The following ZNF563 variants were observed in gnomAD, a reference collection of about 807,000 sequenced individuals.
The protein encoded by ZNF563 is zinc finger protein 563.
In ZNF563, 39 loss-of-function variants were observed where a neutral mutation model predicts 48.5. That is an observed-to-expected ratio of 0.80 (90% CI 0.62 to 1.05). The LOEUF (loss-of-function observed/expected upper bound fraction) is 1.05. Ranked by LOEUF, ZNF563 falls within the 50% of genes least tolerant of loss-of-function variation. The probability of loss-of-function intolerance (pLI) is 0.00; values close to 1 mark genes in which losing one functional copy is unlikely to be tolerated. For missense variants in ZNF563, 538 were observed against 597.0 expected (o/e 0.90, Z 1.03); for synonymous variants, 168 against 187.9 (o/e 0.89, Z 0.87).
chr19:12,318,550 T>C lies in ZNF563; in HGVS notation c.*44A>G, dbSNP rs1418034382. 4 of 1,566,404 alleles carry C rather than the reference T, an allele frequency of 2.6e-6. No individual in the cohort carries two copies. The highest frequency in any genetic ancestry group is 1.9e-5 in the Admixed American group (1 of 53,206). On this transcript the variant is annotated 3_prime_UTR_variant, in exon 4 of 4. Coordinates refer to ENST00000293725, the MANE Select transcript of ZNF563 (RefSeq NM_145276.3). The stretch of plus-strand genomic sequence containing the variant: ...GTCCAGTGTAAGTTTATTCATGATA[T>C]CAAAGGGAACTGGAAATATAGAAGG...
intron 1 of ZNF563, among the ~76,000 whole-genome samples, chr19:12,327,778 G>A (rs2145813922): frequency 6.6e-6 from 1 of 152,168 alleles, no homozygotes; most frequent in East Asian, 1.9e-4. Flanking sequence ...AGACAAATCG[G>A]GTTTTAGATT....
intron 1 of ZNF563, among the ~76,000 whole-genome samples, chr19:12,333,225 A>T (rs1968965786): frequency 6.6e-6 from 1 of 152,132 alleles, no homozygotes; most frequent in African/African-American, 2.4e-5. Context: ...GCTGCGGGCG[A>T]GGAGCTGCCC....
chr19:12,328,285 C>T (rs1247213027), intron 1 of ZNF563, among the ~76,000 whole-genome samples: 1 of 152,062 alleles, frequency 6.6e-6, no homozygotes, highest in Non-Finnish European at 1.5e-5. Context: ...CCAGACTGAG[C>T]AACATAGTGA....
At position 12,319,610 on chromosome 19, in the gene ZNF563, T is replaced by C. The variant is rs1212776033; in HGVS notation, c.415A>G (p.Lys139Glu). 2 of 1,614,088 alleles carry C rather than the reference T, an allele frequency of 1.2e-6. No individual in the cohort carries two copies. The highest frequency in any genetic ancestry group is 1.7e-6 in the Non-Finnish European group (2 of 1,180,042). Reference protein sequence around the residue: ...KPHEYQEYGEKPHTHKQRGKA... With the variant: ...KPHEYQEYGEEPHTHKQRGKA... ...CCACGTTGTTTATGTGTATGTGGCT[T>C]CTCTCCATATTCCTGATACTCATGT... Residue 139 changes from lysine to glutamate, a missense_variant, in exon 4 of 4, where the codon AAG (lysine) becomes GAG (glutamate). Coordinates refer to ENST00000293725, the MANE Select transcript of ZNF563 (RefSeq NM_145276.3).
the ZNF563 span, among the ~76,000 whole-genome samples, chr19:12,344,109 T>C: frequency 6.6e-6 from 1 of 152,064 alleles, no homozygotes; most frequent in Non-Finnish European, 1.5e-5. Flanking sequence ...ATGGAATTTG[T>C]TGGCCAGGAA....
chr19:12,326,371 C>T (rs570105965), intron 1 of ZNF563, among the ~76,000 whole-genome samples: 1 of 152,118 alleles, frequency 6.6e-6, no homozygotes, highest in Non-Finnish European at 1.5e-5. Context: ...AGGCCAGGTG[C>T]GGCAGCTCAC....
chr19:12,319,001 A>G lies in ZNF563; in HGVS notation c.1024T>C (p.Cys342Arg), dbSNP rs1379511840. 6 of 1,614,004 alleles carry G rather than the reference A, an allele frequency of 3.7e-6. No individual in the cohort carries two copies. Among genetic ancestry groups the G allele is most frequent in the Admixed American group, 1.7e-5 (1 of 59,988 alleles). ...TGDRPHKCKI[C>R]GKGFDRPSLV... The stretch of plus-strand genomic sequence containing the variant: ...CTGGGACGATCAAAGCCTTTCCCAC[A>G]TATCTTACATTTATGAGGTCGATCT... The change falls in exon 4 of 4, where the codon TGT (cysteine) becomes CGT (arginine). Residue 342 changes from cysteine to arginine, a missense_variant. Transcript: ENST00000293725.
intron 1 of ZNF563, among the ~76,000 whole-genome samples, chr19:12,329,127 G>GA (rs1968862871): frequency 6.6e-6 from 1 of 152,116 alleles, no homozygotes; most frequent in South Asian, 2.1e-4. Flanking sequence ...TCAAGCAGAG[G>GA]AAAATAACAA....
At position 12,333,440 on chromosome 19, in the gene ZNF563, C is replaced by T. The variant is rs745785750; in HGVS notation, c.3+40G>A. 3 of 1,612,872 alleles carry T rather than the reference C, an allele frequency of 1.9e-6. No homozygotes were observed. In the Admixed American group the frequency reaches 5.0e-5, roughly 27 times the overall value. ...GCCGGTTCTGGACGGTTCCAACCAGCTCTTTCCCACTTTTGGGACGCCTGA... is the reference window on the plus strand; with the variant it reads ...GCCGGTTCTGGACGGTTCCAACCAGTTCTTTCCCACTTTTGGGACGCCTGA... On this transcript the variant is annotated intron_variant, in intron 1 of 3. Transcript: ENST00000293725.
At chr19:12,324,253 G>C (rs1032737333) in intron 1 of ZNF563, among the ~76,000 whole-genome samples, 1 of 151,868 alleles carries the variant, frequency 6.6e-6, no homozygotes, top group Non-Finnish European at 1.5e-5. Flanking sequence ...CAGCTAATTG[G>C]GAAGCTGAGG....
At chr19:12,342,327 T>C in the ZNF563 span, among the ~76,000 whole-genome samples, 8 of 152,116 alleles carry the variant, frequency 5.3e-5, no homozygotes, top group Non-Finnish European at 8.8e-5. Context: ...CTCAGATGTA[T>C]ATTTTTCAAA....
the ZNF563 span, among the ~76,000 whole-genome samples, chr19:12,339,508 G>A: frequency 2.0e-5 from 3 of 151,982 alleles, no homozygotes; most frequent in African/African-American, 7.2e-5. Context: ...TCAAACTCCT[G>A]ACCTCAGGTG....
intron 1 of ZNF563, among the ~76,000 whole-genome samples, chr19:12,326,013 C>T (rs1031769390): frequency 6.6e-6 from 1 of 152,052 alleles, no homozygotes; most frequent in African/African-American, 2.4e-5. Context: ...TTTCCAGATG[C>T]AAATGTCTAC....
the ZNF563 span, among the ~76,000 whole-genome samples, chr19:12,340,818 C>T: frequency 1.3e-5 from 2 of 151,726 alleles, no homozygotes; most frequent in Non-Finnish European, 2.9e-5. Flanking sequence ...TCTGTCAATA[C>T]TGTTTTTCAA....
chr19:12,319,957 C>T, intron 3 of ZNF563, 124 bp from the exon 4 acceptor site: 1 of 920,576 alleles, frequency 1.1e-6, no homozygotes, highest in Non-Finnish European at 1.6e-6. Context: ...TGCTCTGTCA[C>T]CCAGGCTAGA....
intron 1 of ZNF563, among the ~76,000 whole-genome samples, chr19:12,324,577 C>T (rs948359041): frequency 1.2e-4 from 18 of 151,932 alleles, no homozygotes; most frequent in Non-Finnish European, 2.5e-4. Context: ...ATTAGCCAGG[C>T]GTGATGGCGC....
At chr19:12,324,421 A>G (rs1228293731) in intron 1 of ZNF563, among the ~76,000 whole-genome samples, 4 of 152,146 alleles carry the variant, frequency 2.6e-5, no homozygotes, top group African/African-American at 9.7e-5. Flanking sequence ...AAAAATGCTA[A>G]AAAACCTCCT....
chr19:12,337,304 G>A (rs540812421), upstream of ZNF563, among the ~76,000 whole-genome samples: 7 of 152,238 alleles, frequency 4.6e-5, no homozygotes, highest in South Asian at 1.5e-3. Context: ...CTGGGCTCAA[G>A]CGATCCTCCT....
At chr19:12,341,891 C>G in the ZNF563 span, among the ~76,000 whole-genome samples, 3 of 152,162 alleles carry the variant, frequency 2.0e-5, no homozygotes, top group African/African-American at 7.2e-5. Context: ...GCATACTCCA[C>G]CCAATGACAG....
Sources: gnomAD v4.1 joint callset for allele counts (sites outside exome capture counted in the v4.1 genomes callset) on GRCh38, gnomAD v4.1.1 for gene constraint, MANE v1.5 for transcripts, NCBI Gene and HGNC (gene_info 2026-07-23, HGNC 2026-07-21) for gene names.